The following KAZN variants were observed in gnomAD, a reference collection of about 807,000 sequenced individuals.
The protein encoded by KAZN is kazrin.
A neutral mutation model predicts 87.4 loss-of-function variants in KAZN; 40 were observed. The observed-to-expected ratio is 0.46, with a 90% CI of 0.36 to 0.60. The LOEUF (loss-of-function observed/expected upper bound fraction) is 0.60, where lower values mean the gene tolerates loss of function less well. Among genes scored for constraint, KAZN ranks in the 20% least tolerant of loss-of-function variants. The probability of loss-of-function intolerance (pLI) is 0.00; values close to 1 mark genes in which losing one functional copy is unlikely to be tolerated. For synonymous variants in KAZN, 466 were observed against 458.3 expected (o/e 1.02, Z -0.22); for missense variants, 898 against 1,073.9 (o/e 0.84, Z 2.29).
intron 5 of KAZN, among the ~76,000 whole-genome samples, chr1:15,059,236 C>A (rs1160471727): frequency 1.3e-5 from 2 of 152,036 alleles, no homozygotes; most frequent in African/African-American, 4.8e-5. Context: ...CATGCCCAGC[C>A]AAAAGCAAGC....
chr1:14,807,539 C>A (rs563803224), intron 1 of KAZN, among the ~76,000 whole-genome samples: 1 of 152,042 alleles, frequency 6.6e-6, no homozygotes, highest in Non-Finnish European at 1.5e-5. Flanking sequence ...GAGGCCAAAG[C>A]GGGAGGATCA....
chr1:13,970,353 T>C (rs938544389), intron 1 of KAZN, among the ~76,000 whole-genome samples: 3 of 152,222 alleles, frequency 2.0e-5, no homozygotes, highest in African/African-American at 7.2e-5. Context: ...CCATCTGTAC[T>C]TTAATTTTAT....
chr1:14,845,165 G>T (rs1648563682), intron 1 of KAZN, among the ~76,000 whole-genome samples: 1 of 151,116 alleles, frequency 6.6e-6, no homozygotes, highest in South Asian at 2.1e-4. Context: ...GTGAGTGGAT[G>T]GGTGGGTGGA....
At chr1:14,015,764 C>A (rs1459305560) in intron 1 of KAZN, among the ~76,000 whole-genome samples, 1 of 151,466 alleles carries the variant, frequency 6.6e-6, no homozygotes, top group Non-Finnish European at 1.5e-5. Context: ...TACATCTACA[C>A]TTTTATGCAA....
At chr1:14,788,661 A>G (rs141381960) in intron 1 of KAZN, among the ~76,000 whole-genome samples, 3 of 152,194 alleles carry the variant, frequency 2.0e-5, no homozygotes, top group African/African-American at 4.8e-5. Context: ...AAAGCTTACG[A>G]CCCAGAGGCC....
intron 2 of KAZN, among the ~76,000 whole-genome samples, chr1:14,516,397 T>C (rs1373034560): frequency 2.6e-5 from 4 of 152,170 alleles, no homozygotes; most frequent in African/African-American, 7.2e-5. Context: ...AGCCCTTGGA[T>C]GTAGAGAGAG....
chr1:15,034,769 C>A lies in KAZN; in HGVS notation c.439C>A (p.Arg147Ser), dbSNP rs369620796. Residue 147 changes from arginine to serine, a missense_variant, in exon 3 of 15, where the codon CGC becomes AGC. This residue lies in a region of KAZN where 250 missense variants were observed against 263.0 expected (regional missense o/e 0.95). Coordinates refer to ENST00000376030, the MANE Select transcript of KAZN (RefSeq NM_201628.3). ...ALQAMKADRKRLKGEKTDLVS... is the reference protein window; with the variant it reads ...ALQAMKADRKSLKGEKTDLVS... ...CCCAGCCATGAAAGCTGATCGGAAGCGCTTAAAGGGCGAGAAGACAGACCT... is the reference window on the plus strand; with the variant it reads ...CCCAGCCATGAAAGCTGATCGGAAGAGCTTAAAGGGCGAGAAGACAGACCT... 8 of 1,614,124 alleles carry A rather than the reference C, an allele frequency of 5.0e-6. No homozygotes were observed. Among genetic ancestry groups the A allele is most frequent in the Non-Finnish European group, 6.8e-6 (8 of 1,180,004 alleles).
rs377197990 is a variant in KAZN, at chr1:14,040,447, AC to A, written c.92-139987del. 8.6e-4 allele frequency among the ~76,000 whole-genome samples: 131 copies of A among 152,242 alleles called. 1 individual carries two copies. In the East Asian group the frequency reaches 0.018, roughly 21 times the overall value. ...TCGAATAGGCTTAAAAGCCTGAGCA[AC>A]TTTCCTAAGGGTCTTTAAGAAAGCC... On this transcript the variant is annotated intron_variant, in intron 1 of 16. Transcript: ENST00000636203.
chr1:14,230,325 T>G (rs1647694276), intron 2 of KAZN, among the ~76,000 whole-genome samples: 1 of 152,180 alleles, frequency 6.6e-6, no homozygotes, highest in African/African-American at 2.4e-5. Flanking sequence ...ACCCTTGCCA[T>G]GTATTGGGCA....
intron 2 of KAZN, among the ~76,000 whole-genome samples, chr1:14,587,732 C>T (rs916779922): frequency 1.3e-5 from 2 of 152,028 alleles, no homozygotes; most frequent in East Asian, 1.9e-4. Flanking sequence ...CATAAGACAT[C>T]GGCCGCCATG....
intron 1 of KAZN, among the ~76,000 whole-genome samples, chr1:14,913,978 G>A (rs1312526103): frequency 6.6e-6 from 1 of 152,190 alleles, no homozygotes; most frequent in Admixed American, 6.5e-5. Flanking sequence ...CGACACCACA[G>A]CCACTGAAAA....
At chr1:14,356,242 TG>T (rs200415495) in intron 2 of KAZN, among the ~76,000 whole-genome samples, 5,866 of 152,320 alleles carry the variant, frequency 0.039, 305 homozygotes, top group East Asian at 0.18. Context: ...GAGAAGTGTC[TG>T]TTCATATCCT....
chr1:14,940,898 CT>C (rs66777443), intron 1 of KAZN, among the ~76,000 whole-genome samples: 1,450 of 54,196 alleles, frequency 0.027, 3 homozygotes, highest in Non-Finnish European at 0.035. Flanking sequence ...TTCTACCTTT[CT>C]TTTTTTTTTT....
intron 1 of KAZN, among the ~76,000 whole-genome samples, chr1:14,132,264 T>A (rs1388325712): frequency 6.6e-6 from 1 of 152,172 alleles, no homozygotes; most frequent in Admixed American, 6.5e-5. Context: ...CACTCTGGGC[T>A]GAATTCAGAT....
intron 2 of KAZN, among the ~76,000 whole-genome samples, chr1:14,360,680 TCTAA>T (rs34936282): frequency 0.3 from 45,360 of 151,900 alleles, 6,981 homozygotes; most frequent in Admixed American, 0.32. Flanking sequence ...TAATTTTCCT[TCTAA>T]CTGTCAGGCC....
At chr1:14,722,863 T>G (rs940948611) in intron 1 of KAZN, among the ~76,000 whole-genome samples, 1 of 152,188 alleles carries the variant, frequency 6.6e-6, no homozygotes, top group East Asian at 1.9e-4. Context: ...CCATGACTCA[T>G]GCCTGTAATC....
chr1:14,551,081 T>G (rs1350428959), intron 2 of KAZN, among the ~76,000 whole-genome samples: 1 of 152,090 alleles, frequency 6.6e-6, no homozygotes, highest in East Asian at 1.9e-4. Context: ...TGAATCAGAA[T>G]AGTCATTATG....
chr1:14,212,647 G>T (rs1646877437), intron 2 of KAZN, among the ~76,000 whole-genome samples: 2 of 152,066 alleles, frequency 1.3e-5, no homozygotes, highest in African/African-American at 2.4e-5. Flanking sequence ...GAGGAGGTAG[G>T]TATATCCAGA....
intron 2 of KAZN, among the ~76,000 whole-genome samples, chr1:14,418,851 A>G (rs1464451139): frequency 5.9e-5 from 9 of 152,204 alleles, no homozygotes; most frequent in Non-Finnish European, 1.2e-4. Context: ...TGAGTCAGTC[A>G]CCAGTACACT....
Sources: allele counts gnomAD v4.1 joint callset (sites outside exome capture counted in the v4.1 genomes callset), GRCh38; gene constraint gnomAD v4.1.1; regional missense constraint gnomAD v4.1.1; transcripts MANE v1.5; gene names NCBI Gene and HGNC (gene_info 2026-07-23, HGNC 2026-07-21).